NDST3: variants seen among roughly 807,000 people sequenced by gnomAD.
NDST3 encodes the protein N-deacetylase and N-sulfotransferase 3.
In NDST3, 58 loss-of-function variants were observed where a neutral mutation model predicts 96.1. The ratio of observed to expected loss-of-function variants is 0.60; its 90% CI spans 0.49 to 0.75. The LOEUF (loss-of-function observed/expected upper bound fraction) is 0.75, where lower values mean the gene tolerates loss of function less well. Among genes scored for constraint, NDST3 ranks in the 30% least tolerant of loss-of-function variants. The pLI is 0.00. For missense variants in NDST3, 788 were observed against 1,034.2 expected (o/e 0.76, Z 3.27); for synonymous variants, 333 against 359.7 (o/e 0.93, Z 0.84).
At chr4:118,242,567 T>A (rs1409211317) in intron 12 of NDST3, among the ~76,000 whole-genome samples, 1 of 152,194 alleles carries the variant, frequency 6.6e-6, no homozygotes, top group Non-Finnish European at 1.5e-5. Flanking sequence ...AACAATGTCA[T>A]ACAGCAAGAA....
intron 6 of NDST3, among the ~76,000 whole-genome samples, chr4:118,203,493 T>C (rs768055410): frequency 3.9e-5 from 6 of 152,224 alleles, no homozygotes; most frequent in South Asian, 4.1e-4. Flanking sequence ...CAGAAGTCGA[T>C]AGTGGTCTAT....
At chr4:118,227,009 CGAGTGTAAATTTTCT>C in intron 8 of NDST3, 27 bp downstream of exon 8, 1 of 1,490,034 alleles carries the variant, frequency 6.7e-7, no homozygotes, top group Non-Finnish European at 9.3e-7. Context: ...TTATGATTAA[CGAGTGTAAATTTTCT>C]GATGACTAGA....
intron 6 of NDST3, among the ~76,000 whole-genome samples, chr4:118,154,470 C>T (rs1734602983): frequency 1.3e-5 from 2 of 152,130 alleles, no homozygotes; most frequent in Admixed American, 6.6e-5. Context: ...TAAGGTATAT[C>T]CAAATGTGAA....
chr4:118,106,128 T>C (rs1050462730), intron 3 of NDST3, among the ~76,000 whole-genome samples: 1 of 152,178 alleles, frequency 6.6e-6, no homozygotes. Context: ...CTGGGTTTTC[T>C]GCTTTTACTT....
At position 118,088,699 on chromosome 4, in the gene NDST3, T is replaced by C. The variant is rs535506346; in HGVS notation, c.982-16319T>C. Among the ~76,000 whole-genome samples the C allele has an allele frequency of 2.0e-5, 3 of 152,184 alleles. No homozygotes were observed. In the East Asian group the frequency reaches 5.8e-4, roughly 29 times the overall value. ...TTCAAATTACCAATAAGACTCGTTT[T>C]CATGAAGGGTCTTTCTAAAATACAC... On this transcript the variant is annotated intron_variant, in intron 2 of 13. Coordinates refer to ENST00000296499, the MANE Select transcript of NDST3 (RefSeq NM_004784.3).
At chr4:118,215,814 G>A (rs1346754297) in intron 6 of NDST3, among the ~76,000 whole-genome samples, 1 of 152,056 alleles carries the variant, frequency 6.6e-6, no homozygotes, top group Non-Finnish European at 1.5e-5. Context: ...TAGAAAGAAG[G>A]ACTTGAAAGA....
chr4:118,246,345 C>T (rs1299017486), intron 12 of NDST3, among the ~76,000 whole-genome samples: 1 of 152,170 alleles, frequency 6.6e-6, no homozygotes, highest in Non-Finnish European at 1.5e-5. Flanking sequence ...GTGTCTCACA[C>T]CTGTAATCCC....
At chr4:118,059,512 A>G (rs1195743427) in intron 2 of NDST3, among the ~76,000 whole-genome samples, 2 of 152,092 alleles carry the variant, frequency 1.3e-5, no homozygotes, top group Non-Finnish European at 2.9e-5. Flanking sequence ...AACTGTGAAA[A>G]ATAAGAGGTA....
chr4:118,228,423 GCAGA>G (rs534410663), intron 8 of NDST3, among the ~76,000 whole-genome samples: 91 of 152,278 alleles, frequency 6.0e-4, no homozygotes, highest in Non-Finnish European at 9.3e-4. Flanking sequence ...TGCTGGATAT[GCAGA>G]CATTTTGATA....
chr4:118,258,626 G>A lies in NDST3; in HGVS notation c.*2914G>A, dbSNP rs570988655. On this transcript the variant is annotated 3_prime_UTR_variant, in exon 14 of 14. Coordinates refer to ENST00000296499, the MANE Select transcript of NDST3 (RefSeq NM_004784.3). Reference sequence around the variant, plus strand: ...CATATGTACAACAATAAACTGATAGGAAAATGAAGAGTTTGGACCTGGTGA... The same window carrying A: ...CATATGTACAACAATAAACTGATAGAAAAATGAAGAGTTTGGACCTGGTGA... 5.3e-5 allele frequency: 8 copies of A among 152,046 alleles called. No homozygotes were observed. The highest frequency in any genetic ancestry group is 5.2e-4 in the Admixed American group (8 of 15,240). The allele number at this position is 152,046 out of a possible 1,614,324, so 9.4% of individuals were successfully genotyped here.
chr4:118,090,476 T>A (rs2125829939), intron 2 of NDST3, among the ~76,000 whole-genome samples: 1 of 151,994 alleles, frequency 6.6e-6, no homozygotes, highest in Admixed American at 6.6e-5. Flanking sequence ...GGCTGGGAGT[T>A]CTTTGACCTT....
chr4:118,088,217 T>C (rs1476746790), intron 2 of NDST3, among the ~76,000 whole-genome samples: 1 of 152,054 alleles, frequency 6.6e-6, no homozygotes, highest in Non-Finnish European at 1.5e-5. Flanking sequence ...CTTTAAATCA[T>C]ATTTTAAAGG....
At chr4:118,055,390 T>C (rs1725355333) in intron 2 of NDST3, 1 of 182,104 alleles carries the variant, frequency 5.5e-6, no homozygotes, top group South Asian at 1.2e-4. Context: ...AAATCAGTAC[T>C]ACTAAATATG....
At chr4:118,194,675 C>T (rs372882066) in intron 6 of NDST3, 24 of 632,716 alleles carry the variant, frequency 3.8e-5, no homozygotes, top group African/African-American at 2.0e-4. Flanking sequence ...CCTGTTTGGG[C>T]GAATGTCCAC....
At chr4:118,090,089 G>A (rs1728743123) in intron 2 of NDST3, among the ~76,000 whole-genome samples, 1 of 151,790 alleles carries the variant, frequency 6.6e-6, no homozygotes, top group Non-Finnish European at 1.5e-5. Flanking sequence ...CATAGCAAAG[G>A]ACCATCTGAT....
chr4:118,126,567 T>C (rs60858456), intron 4 of NDST3, among the ~76,000 whole-genome samples: 27,559 of 150,468 alleles, frequency 0.18, 2,698 homozygotes, highest in South Asian at 0.23. Context: ...CCTCATAATA[T>C]ACCTCACTTT....
intron 6 of NDST3, among the ~76,000 whole-genome samples, chr4:118,199,100 G>A (rs1188092457): frequency 6.6e-6 from 1 of 151,990 alleles, no homozygotes; most frequent in Non-Finnish European, 1.5e-5. Context: ...CTTTCTCTAG[G>A]TTTAGGAAGC....
intron 2 of NDST3, among the ~76,000 whole-genome samples, chr4:118,058,869 T>C (rs1341155600): frequency 2.0e-5 from 3 of 152,100 alleles, no homozygotes; most frequent in Admixed American, 1.3e-4. Context: ...ACCCATGTGA[T>C]CTTTTAGGCG....
intron 1 of NDST3, among the ~76,000 whole-genome samples, chr4:118,038,471 C>A (rs1324093123): frequency 2.0e-5 from 3 of 152,148 alleles, no homozygotes; most frequent in Non-Finnish European, 4.4e-5. Context: ...TTTCTCCCAT[C>A]CATCTTTTAA....
Sources: allele counts gnomAD v4.1 joint callset (sites outside exome capture counted in the v4.1 genomes callset), GRCh38; gene constraint gnomAD v4.1.1; transcripts MANE v1.5; gene names NCBI Gene and HGNC (gene_info 2026-07-23, HGNC 2026-07-21).